Variants in ZNF407 observed in about 807,000 individuals in gnomAD.
ZNF407 encodes the protein zinc finger protein 407.
ZNF407 carries 17 observed loss-of-function variants against 131.2 expected under a neutral mutation model. The observed-to-expected ratio is 0.13, with a 90% CI of 0.09 to 0.19. The LOEUF (loss-of-function observed/expected upper bound fraction) is 0.19, where lower values mean the gene tolerates loss of function less well. Among genes scored for constraint, ZNF407 ranks in the 10% least tolerant of loss-of-function variants. The probability of loss-of-function intolerance (pLI) is 1.00; values close to 1 mark genes in which losing one functional copy is unlikely to be tolerated. For synonymous variants in ZNF407, 1,156 were observed against 1,062.0 expected (o/e 1.09, Z -1.72); for missense variants, 2,681 against 2,830.6 (o/e 0.95, Z 1.20).
intron 6 of ZNF407, among the ~76,000 whole-genome samples, chr18:74,887,406 CA>C (rs1001139186): frequency 2.0e-5 from 3 of 151,726 alleles, no homozygotes; most frequent in African/African-American, 7.3e-5. Flanking sequence ...CTAAAAGAGA[CA>C]AAAATCCCTT....
intron 1 of ZNF407, among the ~76,000 whole-genome samples, chr18:74,600,361 C>T (rs1212965288): frequency 6.6e-6 from 1 of 152,168 alleles, no homozygotes; most frequent in East Asian, 1.9e-4. Flanking sequence ...GTGACATTGC[C>T]ACTGGAGAAA....
chr18:74,763,858 C>T (rs559394641), intron 3 of ZNF407, among the ~76,000 whole-genome samples: 3 of 150,938 alleles, frequency 2.0e-5, no homozygotes, highest in South Asian at 2.1e-4. Flanking sequence ...TACAGGCGCC[C>T]GCTACCACGC....
intron 4 of ZNF407, among the ~76,000 whole-genome samples, chr18:74,790,132 C>T (rs1969798724): frequency 6.6e-6 from 1 of 152,122 alleles, no homozygotes; most frequent in Non-Finnish European, 1.5e-5. Flanking sequence ...TTCCTTCCAT[C>T]TCCCCAGAAA....
intron 4 of ZNF407, among the ~76,000 whole-genome samples, chr18:74,811,219 T>C (rs1272797987): frequency 2.6e-5 from 4 of 152,120 alleles, no homozygotes; most frequent in Non-Finnish European, 5.9e-5. Flanking sequence ...GCGAAGGACA[T>C]AAGCAGACAC....
At position 74,953,935 on chromosome 18, in the gene ZNF407, AG is replaced by A. The variant is rs543429666; in HGVS notation, c.5428+33244del. 3.7e-4 allele frequency among the ~76,000 whole-genome samples: 57 copies of A among 152,344 alleles called. No individual in the cohort carries two copies. The East Asian group carries it at 9.9e-3, about 26-fold the overall frequency. On this transcript the variant is annotated intron_variant, in intron 8 of 8. Coordinates refer to ENST00000299687, the MANE Select transcript of ZNF407 (RefSeq NM_017757.3). ...CTAATGGGAGGCGAGAAAAAACAAA[AG>A]ATAGGCTCAAAGTAAGGAGAAAAAG...
At chr18:74,803,682 T>C (rs1970060019) in intron 4 of ZNF407, among the ~76,000 whole-genome samples, 1 of 152,220 alleles carries the variant, frequency 6.6e-6, no homozygotes, top group African/African-American at 2.4e-5. Flanking sequence ...CCAGAAAACA[T>C]ACAAGCTTAT....
intron 5 of ZNF407, among the ~76,000 whole-genome samples, chr18:74,879,377 C>T (rs1971207150): frequency 6.6e-6 from 1 of 152,136 alleles, no homozygotes; most frequent in Non-Finnish European, 1.5e-5. Flanking sequence ...TGCACACACA[C>T]TCCTCACACG....
chr18:74,617,857 C>T (rs895853052), intron 1 of ZNF407, among the ~76,000 whole-genome samples: 2 of 152,136 alleles, frequency 1.3e-5, no homozygotes, highest in East Asian at 1.9e-4. Flanking sequence ...TCTAAAACGC[C>T]CCCCCTAGAT....
chr18:74,711,152 A>G (rs1037110573), intron 3 of ZNF407, among the ~76,000 whole-genome samples: 1 of 152,194 alleles, frequency 6.6e-6, no homozygotes, highest in African/African-American at 2.4e-5. Context: ...CTTCAAAATA[A>G]GTCGCCTAAA....
At chr18:74,963,497 C>T (rs898927850) in intron 8 of ZNF407, among the ~76,000 whole-genome samples, 2 of 152,122 alleles carry the variant, frequency 1.3e-5, no homozygotes, top group African/African-American at 2.4e-5. Flanking sequence ...TTAAGAACTA[C>T]TCGATTTTTT....
chr18:74,630,061 C>T (rs149235313), intron 1 of ZNF407, among the ~76,000 whole-genome samples: 10 of 151,024 alleles, frequency 6.6e-5, no homozygotes, highest in East Asian at 1.9e-4. Flanking sequence ...AGCTTGAGCA[C>T]GAATGGTGAT....
Position 74,979,125 on chromosome 18 carries a change from C to T in ZNF407, c.5428+58433C>T, listed in dbSNP as rs371046106. On this transcript the variant is annotated intron_variant, in intron 8 of 8. Coordinates refer to ENST00000299687, the MANE Select transcript of ZNF407 (RefSeq NM_017757.3). Reference sequence around the variant, plus strand: ...TAGCGACACCTGGGTGTGGTACGACCGAGAAACTGATAAGGAAGGAAGAAG... The same window carrying T: ...TAGCGACACCTGGGTGTGGTACGACTGAGAAACTGATAAGGAAGGAAGAAG... 1.8e-4 allele frequency among the ~76,000 whole-genome samples: 28 copies of T among 152,112 alleles called. No homozygotes were observed. In the South Asian group the frequency reaches 3.1e-3, roughly 17 times the overall value.
chr18:74,774,612 C>T (rs561498183), intron 3 of ZNF407, among the ~76,000 whole-genome samples: 52 of 152,292 alleles, frequency 3.4e-4, no homozygotes, highest in African/African-American at 1.2e-3. Context: ...AACAATCAGA[C>T]ATACCATATG....
chr18:74,740,150 G>A (rs1429673174), intron 3 of ZNF407, among the ~76,000 whole-genome samples: 1 of 152,166 alleles, frequency 6.6e-6, no homozygotes, highest in Non-Finnish European at 1.5e-5. Context: ...TCCCTCTGGA[G>A]GTTCTCGGGA....
intron 8 of ZNF407, among the ~76,000 whole-genome samples, chr18:74,921,646 C>T (rs1269213614): frequency 1.3e-5 from 2 of 152,140 alleles, no homozygotes; most frequent in Non-Finnish European, 2.9e-5. Flanking sequence ...CTAATAGGGT[C>T]ATTGTGAGAA....
intron 1 of ZNF407, among the ~76,000 whole-genome samples, chr18:74,622,171 C>A (rs1277617808): frequency 6.6e-6 from 1 of 152,052 alleles, no homozygotes; most frequent in Admixed American, 6.6e-5. Context: ...GGGTGGAGTG[C>A]AGCGCCCTTT....
chr18:74,598,119 C>T (rs1982379845), intron 1 of ZNF407, 182 bp downstream of exon 1: 1 of 142,068 alleles, frequency 7.0e-6, no homozygotes, highest in African/African-American at 2.6e-5. Flanking sequence ...CTGTCGCCTT[C>T]CTTCCCGACA....
chr18:74,817,926 T>C (rs1196853774), intron 4 of ZNF407, among the ~76,000 whole-genome samples: 1 of 152,166 alleles, frequency 6.6e-6, no homozygotes, highest in African/African-American at 2.4e-5. Context: ...GTAGAATGGG[T>C]TGGTTATCTG....
intron 4 of ZNF407, among the ~76,000 whole-genome samples, chr18:74,804,876 G>T (rs905228444): frequency 6.6e-6 from 1 of 152,124 alleles, no homozygotes; most frequent in African/African-American, 2.4e-5. Flanking sequence ...CCACCCTGCC[G>T]AGGATCTGGC....
Sources: gnomAD v4.1 joint callset for allele counts (sites outside exome capture counted in the v4.1 genomes callset) on GRCh38, gnomAD v4.1.1 for gene constraint, MANE v1.5 for transcripts, NCBI Gene and HGNC (gene_info 2026-07-23, HGNC 2026-07-21) for gene names.